Variants in CCT6B observed in about 807,000 individuals in gnomAD.
CCT6B encodes chaperonin containing TCP1 subunit 6B.
In CCT6B, 49 loss-of-function variants were observed where a neutral mutation model predicts 61.5. The ratio of observed to expected loss-of-function variants is 0.80; its 90% CI spans 0.63 to 1.01. CCT6B has a LOEUF of 1.01. CCT6B is among the 50% of genes least tolerant of loss of function. The pLI is 0.00. For synonymous variants in CCT6B, 228 were observed against 214.5 expected (o/e 1.06, Z -0.55); for missense variants, 666 against 634.7 (o/e 1.05, Z -0.53).
At position 34,932,423 on chromosome 17, in the gene CCT6B, C is replaced by T; in HGVS notation, c.1291G>A (p.Gly431Arg). The T allele has an allele frequency of 5.0e-6, 8 of 1,612,270 alleles. No individual in the cohort carries two copies. Among genetic ancestry groups the T allele is most frequent in the Non-Finnish European group, 6.8e-6 (8 of 1,179,232 alleles). Residue 431 changes from glycine (G) to arginine (R), a missense_variant, in exon 11 of 14, where the codon GGA becomes AGA. Physicochemically the swap from Gly to Arg is moderately radical, Grantham distance 125. Transcript: ENST00000314144. ...ALVTYKNSIK[G>R]RARLGVQAFA... ...GCTTGGACTCCAAGACGAGCTCTTC[C>T]TTTTATACTGTTCTTATATGTAACA...
intron 2 of CCT6B, among the ~76,000 whole-genome samples, chr17:34,959,291 ATTT>A (rs1160595019): frequency 2.3e-5 from 3 of 129,462 alleles, no homozygotes; most frequent in Non-Finnish European, 3.3e-5. Flanking sequence ...ACTGAGCAAA[ATTT>A]TTTTTTTTTT....
chr17:34,952,170 G>A (rs2090299375), intron 4 of CCT6B, 117 bp from the exon 5 acceptor site: 2 of 585,774 alleles, frequency 3.4e-6, no homozygotes, highest in Non-Finnish European at 6.0e-6. Context: ...CAAAACCTAG[G>A]GCAAGACCAA....
chr17:34,946,583 A>G (rs574490126), intron 5 of CCT6B, among the ~76,000 whole-genome samples: 3 of 152,326 alleles, frequency 2.0e-5, no homozygotes, highest in East Asian at 1.9e-4. Context: ...ACATAAATCC[A>G]TATGTCTAAT....
chr17:34,958,918 T>A (rs940311191), intron 2 of CCT6B, among the ~76,000 whole-genome samples: 1 of 152,198 alleles, frequency 6.6e-6, no homozygotes, highest in African/African-American at 2.4e-5. Flanking sequence ...TGCTTCAGAA[T>A]GCAATGACAT....
chr17:34,941,866 G>C (rs1238531271), intron 7 of CCT6B, among the ~76,000 whole-genome samples: 1 of 152,066 alleles, frequency 6.6e-6, no homozygotes, highest in Non-Finnish European at 1.5e-5. Context: ...GCAATACCCA[G>C]CCTCTACGAA....
At chr17:34,933,537 T>A (rs1275499840) in intron 10 of CCT6B, among the ~76,000 whole-genome samples, 2 of 152,188 alleles carry the variant, frequency 1.3e-5, no homozygotes, top group Non-Finnish European at 2.9e-5. Context: ...TTACCTCCCA[T>A]TCACATTTTT....
At chr17:34,941,003 A>G (rs2090158231) in intron 7 of CCT6B, among the ~76,000 whole-genome samples, 1 of 152,164 alleles carries the variant, frequency 6.6e-6, no homozygotes. Flanking sequence ...TTGGAATGAT[A>G]TGTTATTTTG....
Position 34,930,177 on chromosome 17 carries a change from C to T in CCT6B, c.1450+772G>A, listed in dbSNP as rs112213930. ...TTCCCAGCTACTCCGGAGGCTGAGGCAGGAGAATTGCTTGAACCTGGGAGG... is the reference window on the plus strand; with the variant it reads ...TTCCCAGCTACTCCGGAGGCTGAGGTAGGAGAATTGCTTGAACCTGGGAGG... On this transcript the variant is annotated intron_variant, in intron 12 of 13. Transcript: ENST00000314144. Among the ~76,000 whole-genome samples, 918 of 152,284 alleles carry T rather than the reference C, an allele frequency of 6.0e-3. 11 individuals are homozygous for T. The highest frequency in any genetic ancestry group is 0.02 in the African/African-American group (838 of 41,548).
chr17:34,935,413 T>C (rs1243208047), intron 10 of CCT6B, among the ~76,000 whole-genome samples: 1 of 152,240 alleles, frequency 6.6e-6, no homozygotes, highest in African/African-American at 2.4e-5. Flanking sequence ...TTTTATGTTA[T>C]GTATATTTAT....
chr17:34,946,309 T>C lies in CCT6B; in HGVS notation c.615-3403A>G, dbSNP rs1175514334. On this transcript the variant is annotated intron_variant, in intron 5 of 13. Transcript: ENST00000314144. ...GAATGGCACATATGAACACAAAGCA[T>C]GATGAGTGAGAACCAGTAAAATATA... Among the ~76,000 whole-genome samples, 3 of 152,136 alleles carry C rather than the reference T, an allele frequency of 2.0e-5. No homozygotes were observed. In the East Asian group the frequency reaches 5.8e-4, roughly 29 times the overall value.
intron 5 of CCT6B, among the ~76,000 whole-genome samples, chr17:34,950,727 G>A (rs1022887005): frequency 6.6e-6 from 1 of 151,990 alleles, no homozygotes; most frequent in Non-Finnish European, 1.5e-5. Flanking sequence ...TGAGGAGTTC[G>A]AGACCAGCCT....
chr17:34,953,260 T>A (rs1273799523), intron 4 of CCT6B, among the ~76,000 whole-genome samples: 1 of 150,866 alleles, frequency 6.6e-6, no homozygotes, highest in Non-Finnish European at 1.5e-5. Context: ...TGATATCAAA[T>A]CATTGCCACC....
At position 34,943,072 on chromosome 17, in the gene CCT6B, G is replaced by A. The variant is rs927973991; in HGVS notation, c.615-166C>T. The A allele has an allele frequency of 7.0e-5, 38 of 541,842 alleles. No individual in the cohort carries two copies. The East Asian group carries it at 1.1e-3, about 15-fold the overall frequency. The allele number at this position is 541,842 out of a possible 1,614,324, so 33.6% of individuals were successfully genotyped here. A position where few individuals can be genotyped will look rare whatever the true frequency, so the allele number is the denominator to read the frequency against. The stretch of plus-strand genomic sequence containing the variant: ...TTTTGTTTTTTGTTTTCAGAGATGG[G>A]GGTCTTGCTATGATGTCCAGGCTGG... On this transcript the variant is annotated intron_variant, in intron 5 of 13. Coordinates refer to ENST00000314144, the MANE Select transcript of CCT6B (RefSeq NM_006584.4).
intron 5 of CCT6B, among the ~76,000 whole-genome samples, chr17:34,950,856 T>C (rs1418939444): frequency 2.0e-5 from 3 of 150,106 alleles, no homozygotes; most frequent in Non-Finnish European, 3.0e-5. Flanking sequence ...TTGAACCCAG[T>C]AGGCGGAGGT....
intron 5 of CCT6B, among the ~76,000 whole-genome samples, chr17:34,951,496 C>G (rs1324638259): frequency 6.6e-6 from 1 of 152,074 alleles, no homozygotes; most frequent in African/African-American, 2.4e-5. Context: ...AGAGTAAATC[C>G]AAAATCAACA....
chr17:34,940,026 G>A lies in CCT6B; in HGVS notation c.969-313C>T, dbSNP rs531611776. On this transcript the variant is annotated intron_variant, in intron 8 of 13. Coordinates refer to ENST00000314144, the MANE Select transcript of CCT6B (RefSeq NM_006584.4). ...ATTTTTCAAGAATCCAACACATTGT[G>A]CATTCTCGGGTGGGTTTGCAAAAGA... Among the ~76,000 whole-genome samples, 32 of 152,122 alleles carry A rather than the reference G, an allele frequency of 2.1e-4. 1 individual carries two copies. In the East Asian group the frequency reaches 4.4e-3, roughly 21 times the overall value.
chr17:34,939,115 GTGTA>G, intron 10 of CCT6B, 64 bp downstream of exon 10: 1 of 1,220,324 alleles, frequency 8.2e-7, no homozygotes, highest in Non-Finnish European at 1.2e-6. Context: ...ATAGGTGTGT[GTGTA>G]TATATATATA....
chr17:34,943,876 G>C (rs1004288004), intron 5 of CCT6B: 4 of 151,344 alleles, frequency 2.6e-5, no homozygotes, highest in Non-Finnish European at 5.9e-5. Context: ...TAGGAATATA[G>C]ATGATTTGGA....
chr17:34,938,586 C>T (rs2090121302), intron 10 of CCT6B, among the ~76,000 whole-genome samples: 1 of 151,882 alleles, frequency 6.6e-6, no homozygotes, highest in Admixed American at 6.6e-5. Context: ...AGGTTTGCAG[C>T]CAGGCGCAGT....
Sources: gnomAD v4.1 joint callset for allele counts (sites outside exome capture counted in the v4.1 genomes callset) on GRCh38, gnomAD v4.1.1 for gene constraint, MANE v1.5 for transcripts, NCBI Gene and HGNC (gene_info 2026-07-23, HGNC 2026-07-21) for gene names.